Variants in ZBTB7C observed in about 807,000 individuals in gnomAD.
ZBTB7C encodes zinc finger and BTB domain-containing protein 7C.
In ZBTB7C, 8 loss-of-function variants were observed where a neutral mutation model predicts 25.7. That is an observed-to-expected ratio of 0.31 (90% CI 0.18 to 0.56). ZBTB7C has a LOEUF of 0.56. ZBTB7C is among the 20% of genes least tolerant of loss of function. The pLI is 0.91. For missense variants in ZBTB7C, 824 were observed against 855.2 expected (o/e 0.96, Z 0.46); for synonymous variants, 394 against 369.0 (o/e 1.07, Z -0.78).
intron 2 of ZBTB7C, among the ~76,000 whole-genome samples, chr18:48,207,017 A>G (rs944524353): frequency 6.6e-6 from 1 of 152,256 alleles, no homozygotes; most frequent in African/African-American, 2.4e-5. Flanking sequence ...AGACTTACCA[A>G]TTAAAAAATA....
At chr18:48,096,279 C>G (rs556848246) in intron 3 of ZBTB7C, among the ~76,000 whole-genome samples, 6 of 152,282 alleles carry the variant, frequency 3.9e-5, no homozygotes, top group African/African-American at 1.4e-4. Flanking sequence ...AAAACGGAAT[C>G]ACAGGCCTGA....
intron 2 of ZBTB7C, among the ~76,000 whole-genome samples, chr18:48,238,581 G>A (rs572694833): frequency 3.0e-4 from 45 of 152,262 alleles, no homozygotes; most frequent in African/African-American, 9.1e-4. Context: ...TTAGAGAGCC[G>A]AATGAAATAT....
chr18:48,257,850 C>T (rs181494469), intron 2 of ZBTB7C, among the ~76,000 whole-genome samples: 1 of 151,862 alleles, frequency 6.6e-6, no homozygotes, highest in Non-Finnish European at 1.5e-5. Flanking sequence ...ATCAAACATC[C>T]ATTTCTGATT....
intron 3 of ZBTB7C, among the ~76,000 whole-genome samples, chr18:48,064,166 C>T (rs1031425073): frequency 2.0e-5 from 3 of 152,206 alleles, no homozygotes; most frequent in Non-Finnish European, 2.9e-5. Context: ...AAGCTCTGCC[C>T]ATTCCAAAGT....
chr18:48,289,421 A>G (rs963527419), intron 2 of ZBTB7C, among the ~76,000 whole-genome samples: 8 of 152,160 alleles, frequency 5.3e-5, no homozygotes, highest in African/African-American at 1.9e-4. Context: ...AAATAATGAG[A>G]CAGATCTATA....
chr18:48,410,260 T>A (rs2048368633), upstream of ZBTB7C, among the ~76,000 whole-genome samples: 1 of 151,476 alleles, frequency 6.6e-6, no homozygotes, highest in Non-Finnish European at 1.5e-5. Context: ...CAGCGGGCAA[T>A]CGCGCTCGGC....
At chr18:48,161,667 C>A (rs907940108) in intron 3 of ZBTB7C, among the ~76,000 whole-genome samples, 3 of 150,484 alleles carry the variant, frequency 2.0e-5, no homozygotes, top group Admixed American at 1.3e-4. Flanking sequence ...CCCGCAGCCC[C>A]CTTCCTGCAG....
At chr18:48,133,039 A>G (rs1293540558) in intron 3 of ZBTB7C, among the ~76,000 whole-genome samples, 1 of 152,210 alleles carries the variant, frequency 6.6e-6, no homozygotes, top group Non-Finnish European at 1.5e-5. Context: ...GGAGTCTCAG[A>G]GTTGCTCCAC....
chr18:48,354,614 A>ATGTGGTTT (rs2046937114), intron 1 of ZBTB7C, among the ~76,000 whole-genome samples: 1 of 152,130 alleles, frequency 6.6e-6, no homozygotes, highest in Admixed American at 6.5e-5. Context: ...TTCTCTATTC[A>ATGTGGTTT]TGTGGTTTTC....
At chr18:48,297,252 A>G (rs530584322) in intron 2 of ZBTB7C, among the ~76,000 whole-genome samples, 1 of 152,340 alleles carries the variant, frequency 6.6e-6, no homozygotes, top group African/African-American at 2.4e-5. Flanking sequence ...AAATATTTCA[A>G]AAGTATTGAC....
intron 1 of ZBTB7C, among the ~76,000 whole-genome samples, chr18:48,397,098 T>G (rs913337345): frequency 1.3e-5 from 2 of 152,242 alleles, no homozygotes; most frequent in Non-Finnish European, 2.9e-5. Context: ...GTTTTAGTAC[T>G]TGGTATCAAG....
chr18:48,273,350 T>G (rs900011971), intron 2 of ZBTB7C, among the ~76,000 whole-genome samples: 1 of 151,804 alleles, frequency 6.6e-6, no homozygotes, highest in Non-Finnish European at 1.5e-5. Flanking sequence ...ATCATAGAGA[T>G]GGACAATTAA....
At chr18:48,380,604 A>G (rs1263498007) in intron 1 of ZBTB7C, among the ~76,000 whole-genome samples, 1 of 152,220 alleles carries the variant, frequency 6.6e-6, no homozygotes, top group African/African-American at 2.4e-5. Context: ...CCCAGTAGCA[A>G]TGAGCACACC....
At chr18:48,094,016 G>A (rs747776725) in intron 3 of ZBTB7C, among the ~76,000 whole-genome samples, 1 of 152,144 alleles carries the variant, frequency 6.6e-6, no homozygotes, top group African/African-American at 2.4e-5. Context: ...CTGAGATCAC[G>A]CCACTGCACT....
At chr18:48,132,250 T>G (rs1227879894) in intron 3 of ZBTB7C, among the ~76,000 whole-genome samples, 1 of 152,138 alleles carries the variant, frequency 6.6e-6, no homozygotes, top group African/African-American at 2.4e-5. Context: ...TAAAGAGAAA[T>G]GAAGTACTGA....
In ZBTB7C at chr18:48,287,657, G is replaced by T. The variant is rs1195387056; in HGVS notation, c.-79+50517C>A. ...ATTCATGAATAAAGATGCAAAAATG[G>T]CTGATAAATAATTGATAAACCAAAT... On this transcript the variant is annotated intron_variant, in intron 2 of 4. Coordinates refer to ENST00000590800, the MANE Select transcript of ZBTB7C (RefSeq NM_001318841.2). Among the ~76,000 whole-genome samples, 6 of 152,082 alleles carry T rather than the reference G, an allele frequency of 3.9e-5. No individual in the cohort carries two copies. The South Asian group carries it at 6.2e-4, about 16-fold the overall frequency.
At chr18:48,043,944 A>T (rs2036364781) in intron 3 of ZBTB7C, among the ~76,000 whole-genome samples, 1 of 152,146 alleles carries the variant, frequency 6.6e-6, no homozygotes, top group South Asian at 2.1e-4. Flanking sequence ...CCCAGGGTGA[A>T]CAGGGGAGGC....
At chr18:48,262,819 C>CAG (rs1356985951) in intron 2 of ZBTB7C, among the ~76,000 whole-genome samples, 1 of 152,180 alleles carries the variant, frequency 6.6e-6, no homozygotes, top group African/African-American at 2.4e-5. Flanking sequence ...GACCAGCCTA[C>CAG]AGAGCATGCC....
intron 2 of ZBTB7C, among the ~76,000 whole-genome samples, chr18:48,323,124 C>T (rs1376597832): frequency 6.6e-6 from 1 of 152,108 alleles, no homozygotes; most frequent in Non-Finnish European, 1.5e-5. Flanking sequence ...CAACATCTCA[C>T]AAATCACCAC....
Sources: allele counts gnomAD v4.1 joint callset (sites outside exome capture counted in the v4.1 genomes callset), GRCh38; gene constraint gnomAD v4.1.1; transcripts MANE v1.5; gene names NCBI Gene and HGNC (gene_info 2026-07-23, HGNC 2026-07-21).